Variants in C11orf58 observed in about 807,000 individuals in gnomAD.
The protein encoded by C11orf58 is small acidic protein.
Under a neutral mutation model 22.7 loss-of-function variants are expected in C11orf58, and 5 were observed. The ratio of observed to expected loss-of-function variants is 0.22; its 90% CI spans 0.12 to 0.46. The LOEUF (loss-of-function observed/expected upper bound fraction) is 0.46, where lower values mean the gene tolerates loss of function less well. C11orf58 is among the 20% of genes least tolerant of loss of function. The pLI is 0.99. For synonymous variants in C11orf58, 71 were observed against 70.7 expected (o/e 1.00, Z -0.02); for missense variants, 151 against 223.3 (o/e 0.68, Z 2.06).
rs1848575709 is a variant in C11orf58, at chr11:16,756,236, A to G, written c.*1132A>G. 1 of 147,592 alleles carries G rather than the reference A, an allele frequency of 6.8e-6. No individual in the cohort carries two copies. The highest frequency in any genetic ancestry group is 1.5e-5 in the Non-Finnish European group (1 of 66,984). 9.1% of individuals were successfully genotyped at this position (147,592 alleles called of 1,614,324 possible). ...GAGCTGAGCTATTATACATCTACAT[A>G]CTTAAAGGATGTATTTGGAGTGTTG... is the stretch of plus-strand genomic sequence containing the variant. On this transcript the variant is annotated 3_prime_UTR_variant, in exon 5 of 5. Transcript: ENST00000228136.
chr11:16,751,474 C>A (rs1372995390), intron 3 of C11orf58: 1 of 151,184 alleles, frequency 6.6e-6, no homozygotes, highest in African/African-American at 2.4e-5. Flanking sequence ...TGCACTCCAG[C>A]CTGGGCAAGA....
At chr11:16,741,497 G>T (rs149211823) in intron 1 of C11orf58, among the ~76,000 whole-genome samples, 5 of 152,278 alleles carry the variant, frequency 3.3e-5, no homozygotes, top group African/African-American at 1.2e-4. Context: ...AATGTATAGT[G>T]CACCCACGTG....
chr11:16,739,914 GATA>G (rs1302885050), intron 1 of C11orf58, among the ~76,000 whole-genome samples: 2 of 152,182 alleles, frequency 1.3e-5, no homozygotes, highest in Non-Finnish European at 2.9e-5. Flanking sequence ...TAGCAAATGA[GATA>G]ATGTTAAGAC....
intron 1 of C11orf58, 122 bp downstream of exon 1, chr11:16,738,963 A>G (rs920948595): frequency 4.7e-6 from 5 of 1,072,874 alleles, no homozygotes; most frequent in South Asian, 1.3e-5. Context: ...CAGGGAAGAA[A>G]CCAGAAGAAT....
At chr11:16,742,525 G>C (rs550862315) in intron 1 of C11orf58, among the ~76,000 whole-genome samples, 36 of 152,076 alleles carry the variant, frequency 2.4e-4, no homozygotes, top group Admixed American at 9.2e-4. Context: ...TATGAGGGGG[G>C]TCACATGGAA....
rs1848577604 is a variant in C11orf58 at position 16,756,345 on chromosome 11, C to G, written c.*1241C>G. On this transcript the variant is annotated 3_prime_UTR_variant, in exon 5 of 5. Transcript: ENST00000228136. ...AGTGCAGTGGCGCGATCTCAGCTAA[C>G]TGCAACCTCTGCCTCCCAGGTTCAA... 1 of 140,870 alleles carries G rather than the reference C, an allele frequency of 7.1e-6. No individual in the cohort carries two copies. The highest frequency in any genetic ancestry group is 2.6e-5 in the African/African-American group (1 of 38,010). The allele number at this position is 140,870 out of a possible 1,614,324, so 8.7% of individuals were successfully genotyped here.
At chr11:16,741,819 G>A (rs1012646501) in intron 1 of C11orf58, among the ~76,000 whole-genome samples, 4 of 152,164 alleles carry the variant, frequency 2.6e-5, no homozygotes, top group Admixed American at 6.5e-5. Flanking sequence ...CCCCCCAGAT[G>A]GGACTGTCTA....
rs569581944 is a variant in C11orf58 at position 16,755,207 on chromosome 11, A to G, written c.*103A>G. ...AGACCTTTGTATTATAATTTTTAAA[A>G]AGGCCCTTTTAAATAATTACAAAGA... On this transcript the variant is annotated 3_prime_UTR_variant, in exon 5 of 5. Transcript: ENST00000228136. 7.5e-6 allele frequency: 10 copies of G among 1,338,596 alleles called. No individual in the cohort carries two copies. In the East Asian group the frequency reaches 2.1e-4, roughly 28 times the overall value. 82.9% of individuals were successfully genotyped at this position (1,338,596 alleles called of 1,614,324 possible). A position where few individuals can be genotyped will look rare whatever the true frequency, so the allele number is the denominator to read the frequency against.
In C11orf58 at chr11:16,738,829, C is replaced by T. The variant is rs1482694019; in HGVS notation, c.51C>T (p.Ser17=). ...CGCATGGGGTGAAGCGTTCAGCCTC[C>T]CCAGACGACGATGTAAATAATAATG... is the stretch of plus-strand genomic sequence containing the variant. ...SHPHGVKRSA[S]PDDDLGSSNW... is the part of the protein sequence containing the mutation. The change falls in exon 1 of 5, where the codon TCC becomes TCT. Residue 17 remains serine, a synonymous_variant. Transcript: ENST00000228136. 1 of 1,613,970 alleles carries T rather than the reference C, an allele frequency of 6.2e-7. No homozygotes were observed. Among genetic ancestry groups the T allele is most frequent in the African/African-American group, 1.3e-5 (1 of 74,900 alleles).
chr11:16,748,811 T>C (rs1433493615), intron 3 of C11orf58, among the ~76,000 whole-genome samples: 1 of 152,106 alleles, frequency 6.6e-6, no homozygotes, highest in African/African-American at 2.4e-5. Context: ...AATTATCATG[T>C]ACTTTGATTT....
At chr11:16,751,917 C>T (rs1848536547) in intron 3 of C11orf58, 1 of 152,246 alleles carries the variant, frequency 6.6e-6, no homozygotes, top group African/African-American at 2.4e-5. Flanking sequence ...GACAACTTCA[C>T]ATCTCCATAC....
intron 4 of C11orf58, among the ~76,000 whole-genome samples, chr11:16,754,547 CTTTTTTTTTTT>C (rs573626223): frequency 3.2e-4 from 10 of 31,444 alleles, no homozygotes; most frequent in African/African-American, 5.5e-4. Flanking sequence ...CTCTCTCTCC[CTTTTTTTTTTT>C]TTTTTTTTTT....
At position 16,758,166 on chromosome 11, in the gene C11orf58, A is replaced by C. The variant is rs1848596686; in HGVS notation, c.*3062A>C. On this transcript the variant is annotated 3_prime_UTR_variant, in exon 5 of 5. Coordinates refer to ENST00000228136, the MANE Select transcript of C11orf58 (RefSeq NM_014267.6). ...GGCGTAGTCTGTTTCCACCTCTGTA[A>C]GTCCTATCTAGGCTTCCTGATCTAT... Among the ~76,000 whole-genome samples the C allele has an allele frequency of 6.6e-6, 1 of 152,150 alleles. No homozygotes were observed. The highest frequency in any genetic ancestry group is 1.5e-5 in the Non-Finnish European group (1 of 68,020).
At chr11:16,745,523 T>C (rs1293168913) in intron 2 of C11orf58, among the ~76,000 whole-genome samples, 3 of 152,218 alleles carry the variant, frequency 2.0e-5, no homozygotes, top group Admixed American at 6.5e-5. Context: ...GAGAAAATAA[T>C]TGACTCTTCA....
chr11:16,745,623 G>C (rs1417126102), intron 2 of C11orf58, among the ~76,000 whole-genome samples: 1 of 152,186 alleles, frequency 6.6e-6, no homozygotes, highest in Non-Finnish European at 1.5e-5. Flanking sequence ...TACTGTCTGG[G>C]AGTGGCAGAG....
chr11:16,751,649 T>C (rs1404842366), intron 3 of C11orf58: 1 of 152,202 alleles, frequency 6.6e-6, no homozygotes. Flanking sequence ...TTGGGATTTT[T>C]TGACATGTTT....
intron 1 of C11orf58, chr11:16,739,630 G>C (rs543563560): frequency 6.6e-6 from 1 of 152,236 alleles, no homozygotes; most frequent in African/African-American, 2.4e-5. Context: ...ATTTGTCCTA[G>C]CTCCTAGCCC....
At position 16,756,300 on chromosome 11, in the gene C11orf58, C is replaced by G. The variant is rs1167333567; in HGVS notation, c.*1196C>G. 3.3e-5 allele frequency: 4 copies of G among 119,898 alleles called. No individual in the cohort carries two copies. The highest frequency in any genetic ancestry group is 6.5e-5 in the Non-Finnish European group (4 of 61,496). 7.4% of individuals were successfully genotyped at this position (119,898 alleles called of 1,614,324 possible). On this transcript the variant is annotated 3_prime_UTR_variant, in exon 5 of 5. Coordinates refer to ENST00000228136, the MANE Select transcript of C11orf58 (RefSeq NM_014267.6). ...TTTTTTTTTTTTTGAGACGGAGTCT[C>G]ATTCTGTCGCCCAGGCTGGAGTGCA...
intron 3 of C11orf58, chr11:16,748,732 G>A (rs1848507918): frequency 2.0e-5 from 3 of 151,474 alleles, no homozygotes; most frequent in South Asian, 2.1e-4. Context: ...GTGACAGAGT[G>A]CAACTCTGTC....
Sources: allele counts gnomAD v4.1 joint callset (sites outside exome capture counted in the v4.1 genomes callset), GRCh38; gene constraint gnomAD v4.1.1; transcripts MANE v1.5; gene names NCBI Gene and HGNC (gene_info 2026-07-23, HGNC 2026-07-21).